Variants in PARD3B observed in about 807,000 individuals in gnomAD.
The protein encoded by PARD3B is partitioning defective 3 homolog B.
Under a neutral mutation model 130.2 loss-of-function variants are expected in PARD3B, and 103 were observed. The ratio of observed to expected loss-of-function variants is 0.79; its 90% CI spans 0.67 to 0.93. The LOEUF is 0.93. Among genes scored for constraint, PARD3B ranks in the 40% least tolerant of loss-of-function variants. PARD3B has a pLI of 0.00. For missense variants in PARD3B, 1,609 were observed against 1,499.2 expected, an observed-to-expected ratio of 1.07 and a Z score of -1.21; for synonymous variants, 583 against 553.2, an observed-to-expected ratio of 1.05 and a Z score of -0.76.
In PARD3B at chr2:205,572,901, T is replaced by C. The variant is rs1443526761; in HGVS notation, c.3260+19498T>C. ...CTGCTAATAAAATAATACCCAAGACTGGGTAATTTATAAAGGAAAGAGGTT... is the reference window on the plus strand; with the variant it reads ...CTGCTAATAAAATAATACCCAAGACCGGGTAATTTATAAAGGAAAGAGGTT... On this transcript the variant is annotated intron_variant, in intron 22 of 22. Coordinates refer to ENST00000406610, the MANE Select transcript of PARD3B (RefSeq NM_001302769.2). The surrounding 1 kb of genome is among the most constrained non-coding windows in gnomAD (Gnocchi z 4.2). Among the ~76,000 whole-genome samples the C allele has an allele frequency of 6.6e-6, 1 of 152,094 alleles. No individual in the cohort carries two copies. The highest frequency in any genetic ancestry group is 1.5e-5 in the Non-Finnish European group (1 of 68,012).
intron 3 of PARD3B, among the ~76,000 whole-genome samples, chr2:204,999,963 TG>T (rs1160618227): frequency 1.3e-5 from 2 of 152,086 alleles, no homozygotes; most frequent in Non-Finnish European, 2.9e-5. Flanking sequence ...TCTTTGATTC[TG>T]GGGGTTTGCA....
chr2:205,223,025 A>G (rs143054244), intron 15 of PARD3B, among the ~76,000 whole-genome samples: 2 of 152,178 alleles, frequency 1.3e-5, no homozygotes, highest in African/African-American at 4.8e-5. Context: ...GAAATGCTAA[A>G]GTGTTCTGAG....
chr2:205,519,689 C>CTTTCT (rs1173853613), intron 21 of PARD3B, among the ~76,000 whole-genome samples: 1 of 152,144 alleles, frequency 6.6e-6, no homozygotes, highest in Non-Finnish European at 1.5e-5. Context: ...TTTGTTGCTT[C>CTTTCT]TTTCTTATCT....
rs2042635833 is a variant in PARD3B, at chr2:205,318,465, C to A, written c.2630+16764C>A. ...GTCGAGTGATATGACGACTATCGCACTTTTGGAAAGGATCTTTGACAGGTT... is the reference window on the plus strand; with the variant it reads ...GTCGAGTGATATGACGACTATCGCAATTTTGGAAAGGATCTTTGACAGGTT... On this transcript the variant is annotated intron_variant, in intron 18 of 22. Transcript: ENST00000406610. Among the ~76,000 whole-genome samples, 9 of 152,158 alleles carry A rather than the reference C, an allele frequency of 5.9e-5. No individual in the cohort carries two copies. The South Asian group carries it at 1.9e-3, about 32-fold the overall frequency.
chr2:205,238,015 A>G (rs1006208965), intron 15 of PARD3B, among the ~76,000 whole-genome samples: 5 of 152,196 alleles, frequency 3.3e-5, no homozygotes, highest in Admixed American at 6.5e-5. Context: ...ATATCTCACA[A>G]TGAACAGTTG....
At chr2:205,179,944 T>C (rs992114605) in intron 13 of PARD3B, among the ~76,000 whole-genome samples, 2 of 152,134 alleles carry the variant, frequency 1.3e-5, no homozygotes, top group Non-Finnish European at 2.9e-5. Flanking sequence ...TCAGACTTTG[T>C]ATATCTTCTG....
chr2:205,608,231 C>A (rs2055088842), intron 22 of PARD3B, among the ~76,000 whole-genome samples: 2 of 152,134 alleles, frequency 1.3e-5, no homozygotes, highest in African/African-American at 2.4e-5. Flanking sequence ...AGGAGGAAAT[C>A]AGGACCTTAC....
intron 2 of PARD3B, among the ~76,000 whole-genome samples, chr2:204,686,485 T>A (rs762721303): frequency 3.9e-5 from 6 of 152,180 alleles, no homozygotes; most frequent in Non-Finnish European, 5.9e-5. Flanking sequence ...CTGTTTGTGT[T>A]GGCCTAATTA....
rs143185137 is a variant in PARD3B at position 205,456,843 on chromosome 2, TAATA to T, written c.3044+16176_3044+16179del. Among the ~76,000 whole-genome samples, 1,334 of 149,798 alleles carry T rather than the reference TAATA, an allele frequency of 8.9e-3. 20 individuals carry two copies. The highest frequency in any genetic ancestry group is 0.031 in the African/African-American group (1,278 of 41,164). ...TTTAATTGTATTAAATATAATCATT[TAATA>T]AATACTCAGTTAAATATAATTTAAT... On this transcript the variant is annotated intron_variant, in intron 20 of 22. Transcript: ENST00000406610.
intron 1 of PARD3B, among the ~76,000 whole-genome samples, chr2:204,551,950 A>G (rs752760067): frequency 1.3e-5 from 2 of 152,248 alleles, no homozygotes; most frequent in Non-Finnish European, 2.9e-5. Flanking sequence ...GAGATGTTCT[A>G]GATCTGCATC....
chr2:205,557,986 A>T (rs187015227), intron 22 of PARD3B, among the ~76,000 whole-genome samples: 9 of 152,274 alleles, frequency 5.9e-5, no homozygotes, highest in African/African-American at 1.9e-4. Flanking sequence ...CAGCACCTGC[A>T]TGGGGATATG....
chr2:205,442,687 A>G (rs185308132), intron 20 of PARD3B, among the ~76,000 whole-genome samples: 1 of 152,344 alleles, frequency 6.6e-6, no homozygotes, highest in East Asian at 1.9e-4. Flanking sequence ...AACAACCAGC[A>G]TGCATCATCC....
intron 10 of PARD3B, among the ~76,000 whole-genome samples, chr2:205,126,288 C>G (rs147695728): frequency 3.7e-4 from 56 of 152,206 alleles, no homozygotes; most frequent in African/African-American, 1.3e-3. Flanking sequence ...AGTAACTAGA[C>G]TTCAAGTAAT....
chr2:204,647,136 T>A (rs1394259899), intron 1 of PARD3B, among the ~76,000 whole-genome samples: 13 of 151,926 alleles, frequency 8.6e-5, no homozygotes. Context: ...AGTTACTGCT[T>A]TTGCTATTTC....
intron 2 of PARD3B, among the ~76,000 whole-genome samples, chr2:204,701,704 C>T (rs2037900652): frequency 6.6e-6 from 1 of 152,082 alleles, no homozygotes; most frequent in Non-Finnish European, 1.5e-5. Flanking sequence ...TTAACGATGA[C>T]TTCTACTGAG....
At chr2:205,360,892 A>G (rs1352447140) in intron 18 of PARD3B, among the ~76,000 whole-genome samples, 2 of 151,604 alleles carry the variant, frequency 1.3e-5, no homozygotes, top group African/African-American at 4.9e-5. Context: ...TCTTTTCTCC[A>G]CTCAGTCTCA....
chr2:204,880,744 A>G (rs945650131), intron 2 of PARD3B, among the ~76,000 whole-genome samples: 1 of 151,888 alleles, frequency 6.6e-6, no homozygotes, highest in African/African-American at 2.4e-5. Flanking sequence ...GTGGGGCTGC[A>G]CACAAATGAC....
Position 205,172,236 on chromosome 2 carries a change from A to G in PARD3B, c.1646A>G (p.Gln549Arg). The change falls in exon 12 of 23, where the codon CAG becomes CGG. Residue 549 changes from glutamine (Q) to arginine (R), a missense_variant. Coordinates refer to ENST00000406610, the MANE Select transcript of PARD3B (RefSeq NM_001302769.2). ...FKDGRLRMND[Q>R]LIAVNGESLL... ...GATGGTCGTCTGCGAATGAATGACC[A>G]GCTGATTGCAGTTAATGGGGAATCT... The G allele has an allele frequency of 6.2e-7, 1 of 1,614,170 alleles. No individual in the cohort carries two copies. Among genetic ancestry groups the G allele is most frequent in the Non-Finnish European group, 8.5e-7 (1 of 1,180,036 alleles).
intron 3 of PARD3B, 98 bp from the exon 4 acceptor site, chr2:205,047,483 A>G: frequency 3.2e-6 from 2 of 624,446 alleles, no homozygotes; most frequent in South Asian, 4.8e-5. Context: ...TTTTACATAA[A>G]AGCCTGTTGT....
Sources: allele counts gnomAD v4.1 joint callset (sites outside exome capture counted in the v4.1 genomes callset), GRCh38; gene constraint gnomAD v4.1.1; non-coding constraint Gnocchi (gnomAD v3.1); transcripts MANE v1.5; gene names NCBI Gene and HGNC (gene_info 2026-07-23, HGNC 2026-07-21).